The following LANCL3 variants were observed in gnomAD, a reference collection of about 807,000 sequenced individuals.
LANCL3 encodes the protein LanC like family member 3, also known as lanC-like protein 3.
A neutral mutation model predicts 26.5 loss-of-function variants in LANCL3; 19 were observed. The observed-to-expected ratio is 0.72, with a 90% CI of 0.50 to 1.05. The LOEUF (loss-of-function observed/expected upper bound fraction) is 1.05, where lower values mean the gene tolerates loss of function less well. Among genes scored for constraint, LANCL3 ranks in the 50% least tolerant of loss-of-function variants. LANCL3 has a pLI of 0.00. For synonymous variants in LANCL3, 160 were observed against 166.6 expected (o/e 0.96, Z 0.30); for missense variants, 318 against 362.7 (o/e 0.88, Z 1.00).
At chrX:37,620,692 G>T (rs782110843) in intron 1 of LANCL3, among the ~76,000 whole-genome samples, 2 of 111,459 alleles carry the variant, frequency 1.8e-5, no homozygotes, top group Non-Finnish European at 3.8e-5. Flanking sequence ...CTTACTTTCC[G>T]TTGCCCCAGG....
intron 1 of LANCL3, among the ~76,000 whole-genome samples, chrX:37,585,151 G>T (rs1346399280): frequency 3.6e-5 from 4 of 111,932 alleles, no homozygotes; most frequent in Non-Finnish European, 5.6e-5. Flanking sequence ...TTGCACTGTG[G>T]TCTGAGAGAC....
At chrX:37,601,194 A>G (rs971948810) in intron 1 of LANCL3, among the ~76,000 whole-genome samples, 12 of 111,914 alleles carry the variant, frequency 1.1e-4, no homozygotes, top group Non-Finnish European at 2.1e-4. Context: ...AGCCTCTGTG[A>G]TATGCCACTT....
intron 1 of LANCL3, among the ~76,000 whole-genome samples, chrX:37,602,160 C>CATAT (rs782716903): frequency 1.5e-3 from 169 of 111,372 alleles, no homozygotes; most frequent in African/African-American, 5.2e-3. Flanking sequence ...AGAAATTATA[C>CATAT]ATATATATAT....
intron 1 of LANCL3, among the ~76,000 whole-genome samples, chrX:37,625,936 A>G (rs1925303649): frequency 9.0e-6 from 1 of 111,668 alleles, no homozygotes; most frequent in Admixed American, 9.5e-5. Flanking sequence ...GTTCAACTCT[A>G]TATGTTTCAA....
In LANCL3 at chrX:37,644,279, C is replaced by G. The variant is rs782737684; in HGVS notation, c.574-11409C>G. ...AGGCCCCACTCCACAGCTACTGAGT[C>G]AGAATCTCTGAGGGTGAGGCCTGGG... On this transcript the variant is annotated intron_variant, in intron 1 of 4. Transcript: ENST00000378619. Among the ~76,000 whole-genome samples, 15 of 111,925 alleles carry G rather than the reference C, an allele frequency of 1.3e-4. No homozygotes were observed. In the South Asian group the frequency reaches 5.7e-3, roughly 42 times the overall value.
At chrX:37,583,717 G>T (rs1226306626) in intron 1 of LANCL3, among the ~76,000 whole-genome samples, 1 of 112,020 alleles carries the variant, frequency 8.9e-6, no homozygotes, top group Non-Finnish European at 1.9e-5. Flanking sequence ...GAGATTTTGG[G>T]CTGAGACAAT....
At position 37,667,435 on chromosome X, in the gene LANCL3, T is replaced by C. The variant is rs1926571559; in HGVS notation, c.1049T>C (p.Phe350Ser). Residue 350 changes from phenylalanine (F) to serine (S), a missense_variant, in exon 4 of 5, where the codon TTC becomes TCC. Phe to Ser is a radical substitution (Grantham distance 155, BLOSUM62 -2). Transcript: ENST00000378619. ...GGAGTAGCCGGCAGTGCCTATGTCT[T>C]CCTGCTGCTGTACCGGCTCACGGGA... The part of the protein sequence containing the change: ...CHGVAGSAYV[F>S]LLLYRLTGNS... 2 of 1,201,091 alleles carry C rather than the reference T, an allele frequency of 1.7e-6. No homozygotes were observed. The highest frequency in any genetic ancestry group is 3.6e-5 in the South Asian group (2 of 55,469).
chrX:37,593,154 A>G (rs1248430004), intron 1 of LANCL3, among the ~76,000 whole-genome samples: 3 of 111,387 alleles, frequency 2.7e-5, no homozygotes, highest in Non-Finnish European at 5.7e-5. Context: ...GAACCAAAAC[A>G]TTGGAAAATA....
intron 1 of LANCL3, among the ~76,000 whole-genome samples, chrX:37,612,334 C>A (rs1602107768): frequency 9.0e-6 from 1 of 111,553 alleles, no homozygotes; most frequent in Admixed American, 9.5e-5. Context: ...TTCTAACCCC[C>A]CTTCCCCATG....
At chrX:37,622,657 A>G (rs1456143194) in intron 1 of LANCL3, among the ~76,000 whole-genome samples, 2 of 111,812 alleles carry the variant, frequency 1.8e-5, no homozygotes, top group Non-Finnish European at 3.8e-5. Flanking sequence ...CCTGAATGTT[A>G]TCTTTTTCTC....
intron 4 of LANCL3, among the ~76,000 whole-genome samples, chrX:37,672,972 C>T (rs142779465): frequency 1.9e-3 from 216 of 112,281 alleles, no homozygotes; most frequent in African/African-American, 6.7e-3. Context: ...TATTTTTTAA[C>T]ATACAGTTGG....
intron 1 of LANCL3, among the ~76,000 whole-genome samples, chrX:37,585,578 G>A (rs375427498): frequency 1.3e-4 from 14 of 111,451 alleles, no homozygotes; most frequent in Non-Finnish European, 2.3e-4. Flanking sequence ...TTTGATCTTC[G>A]TTGGTTTAAA....
intron 1 of LANCL3, among the ~76,000 whole-genome samples, chrX:37,649,441 C>T (rs1170902200): frequency 2.7e-5 from 3 of 110,486 alleles, no homozygotes; most frequent in Non-Finnish European, 5.7e-5. Flanking sequence ...ACAACACACA[C>T]CAGGTCCTGT....
intron 1 of LANCL3, among the ~76,000 whole-genome samples, chrX:37,630,862 A>G (rs1269368571): frequency 9.0e-6 from 1 of 110,763 alleles, no homozygotes; most frequent in Non-Finnish European, 1.9e-5. Context: ...CCAGTATTTT[A>G]TTGAAGATTT....
chrX:37,674,437 T>G (rs1926750124), intron 4 of LANCL3, among the ~76,000 whole-genome samples: 1 of 111,785 alleles, frequency 8.9e-6, no homozygotes, highest in African/African-American at 3.2e-5. Flanking sequence ...AAATTTGGCT[T>G]TAAAATTTTT....
chrX:37,646,941 A>G (rs1302369735), intron 1 of LANCL3, among the ~76,000 whole-genome samples: 1 of 111,976 alleles, frequency 8.9e-6, no homozygotes, highest in East Asian at 2.8e-4. Context: ...CCCACCTTGA[A>G]CAGCTTGTAT....
rs1926892741 is a variant in LANCL3 at position 37,679,854 on chromosome X, T to C, written c.*4041T>C. On this transcript the variant is annotated 3_prime_UTR_variant, in exon 5 of 5. Transcript: ENST00000378619. ...TCTCAAAGTGAGTTGTGGATGCGTG[T>C]TTAACACTATAAAGAACCAGTCCAT... 9.0e-6 allele frequency: 1 copy of C among 111,270 alleles called. No homozygotes were observed. Among genetic ancestry groups the C allele is most frequent in the Non-Finnish European group, 1.9e-5 (1 of 53,015 alleles). The allele number at this position is 111,270 out of a possible 1,213,427, so 9.2% of individuals were successfully genotyped here.
At chrX:37,634,021 A>G (rs868965314) in intron 1 of LANCL3, among the ~76,000 whole-genome samples, 3 of 112,239 alleles carry the variant, frequency 2.7e-5, no homozygotes, top group Admixed American at 9.3e-5. Flanking sequence ...GTTTGTCTGT[A>G]CCCTGCCCCC....
At chrX:37,669,818 T>C (rs1436842724) in intron 4 of LANCL3, among the ~76,000 whole-genome samples, 3 of 112,430 alleles carry the variant, frequency 2.7e-5, no homozygotes, top group African/African-American at 9.7e-5. Flanking sequence ...AGGCTGGCAT[T>C]GAACACCTGG....
Sources: allele counts gnomAD v4.1 joint callset (sites outside exome capture counted in the v4.1 genomes callset), GRCh38; gene constraint gnomAD v4.1.1; transcripts MANE v1.5; gene names NCBI Gene and HGNC (gene_info 2026-07-23, HGNC 2026-07-21).